Variants in C10orf67 observed in about 807,000 individuals in gnomAD.
C10orf67 encodes chromosome 10 open reading frame 67.
A neutral mutation model predicts 35.6 loss-of-function variants in C10orf67; 60 were observed. That is an observed-to-expected ratio of 1.68 (90% CI 1.37 to 2.09). C10orf67 has a LOEUF of 2.09. Ranked by LOEUF, C10orf67 falls within the 30% of genes most tolerant of loss-of-function variation. C10orf67 has a pLI of 0.00. For synonymous variants in C10orf67, 167 were observed against 115.8 expected (o/e 1.44, Z -2.84); for missense variants, 474 against 330.2 (o/e 1.44, Z -3.38).
At chr10:23,247,344 G>T (rs187115517) in intron 12 of C10orf67, among the ~76,000 whole-genome samples, 21 of 152,076 alleles carry the variant, frequency 1.4e-4, no homozygotes, top group Non-Finnish European at 2.4e-4. Context: ...TCTATGTTTA[G>T]GTATATTTAG....
intron 5 of C10orf67, among the ~76,000 whole-genome samples, chr10:23,297,251 CCTTTCCTTTCCTT>C (rs1843913041): frequency 6.6e-6 from 1 of 151,552 alleles, no homozygotes; most frequent in African/African-American, 2.4e-5. Context: ...CCTTTCCTTT[CCTTTCCTTTCCTT>C]TCCTTTCTGA....
At chr10:23,294,712 C>T (rs1256560036) in intron 5 of C10orf67, among the ~76,000 whole-genome samples, 2 of 152,126 alleles carry the variant, frequency 1.3e-5, no homozygotes, top group East Asian at 3.9e-4. Flanking sequence ...CTAAATAAAA[C>T]TTGTTTATTT....
At chr10:23,342,415 T>G (rs1024688501) in intron 1 of C10orf67, among the ~76,000 whole-genome samples, 1 of 152,150 alleles carries the variant, frequency 6.6e-6, no homozygotes, top group Non-Finnish European at 1.5e-5. Flanking sequence ...GTGGACCACG[T>G]TCAGCACCTG....
chr10:23,259,651 G>T (rs1185994237), intron 10 of C10orf67, among the ~76,000 whole-genome samples: 1 of 152,160 alleles, frequency 6.6e-6, no homozygotes, highest in South Asian at 2.1e-4. Context: ...AGAGAACCTA[G>T]GAGAAAAGGT....
chr10:23,323,207 G>A (rs979059924), intron 2 of C10orf67, among the ~76,000 whole-genome samples: 3 of 152,194 alleles, frequency 2.0e-5, no homozygotes, highest in African/African-American at 4.8e-5. Context: ...TCAGAAAAGA[G>A]AGGCAAGAAT....
chr10:23,318,994 C>CT (rs937957618), intron 4 of C10orf67: 12 of 717,436 alleles, frequency 1.7e-5, no homozygotes, highest in South Asian at 3.0e-5. Context: ...CATGAGAACC[C>CT]TTTTTTTTCT....
chr10:23,254,090 A>G (rs1351898822), intron 10 of C10orf67, among the ~76,000 whole-genome samples: 1 of 152,240 alleles, frequency 6.6e-6, no homozygotes, highest in Non-Finnish European at 1.5e-5. Context: ...CTGGACTGAT[A>G]ATAGATTGAT....
At chr10:23,221,891 A>C (rs1841591224) in intron 15 of C10orf67, among the ~76,000 whole-genome samples, 1 of 152,230 alleles carries the variant, frequency 6.6e-6, no homozygotes, top group Non-Finnish European at 1.5e-5. Context: ...TCCGAAAACT[A>C]TCTTCAGAGG....
Position 23,224,413 on chromosome 10 carries a change from C to A in C10orf67, c.1435-595G>T, listed in dbSNP as rs577879708. 1.4e-4 allele frequency among the ~76,000 whole-genome samples: 22 copies of A among 152,244 alleles called. No homozygotes were observed. In the South Asian group the frequency reaches 4.1e-3, roughly 29 times the overall value. On this transcript the variant is annotated intron_variant, in intron 13 of 15. Transcript: ENST00000636213. ...CATCAAAGACCAAAGGTAGATAAAA[C>A]GACAAGGATGGGGAAAAAACAGAGC...
rs567154748 is a variant in C10orf67 at position 23,251,663 on chromosome 10, T to C, written c.1201-972A>G. On this transcript the variant is annotated intron_variant, in intron 10 of 15. Transcript: ENST00000636213. ...GTGTAGCTTCCAGAGTCATTGCTAC[T>C]TTCTAAGCATAGCCAGCATCAATAT... Among the ~76,000 whole-genome samples the C allele has an allele frequency of 6.6e-5, 10 of 152,320 alleles. No individual in the cohort carries two copies. In the East Asian group the frequency reaches 1.9e-3, roughly 29 times the overall value.
chr10:23,310,215 C>T (rs935211183), intron 4 of C10orf67, among the ~76,000 whole-genome samples: 2 of 151,986 alleles, frequency 1.3e-5, no homozygotes, highest in African/African-American at 4.8e-5. Flanking sequence ...ACAATGACAA[C>T]AAAATAAAAG....
intron 8 of C10orf67, among the ~76,000 whole-genome samples, chr10:23,277,828 G>C (rs958169625): frequency 2.6e-5 from 4 of 152,044 alleles, no homozygotes; most frequent in African/African-American, 7.3e-5. Context: ...TCTGAGACTG[G>C]GTAATTTATA....
chr10:23,225,788 G>A (rs1564460958), intron 13 of C10orf67, among the ~76,000 whole-genome samples: 1 of 152,144 alleles, frequency 6.6e-6, no homozygotes, highest in Non-Finnish European at 1.5e-5. Context: ...ATTACGTAAT[G>A]GTAAAGGGAT....
chr10:23,274,137 T>C (rs1338509648), intron 8 of C10orf67, among the ~76,000 whole-genome samples: 3 of 151,726 alleles, frequency 2.0e-5, no homozygotes, highest in Non-Finnish European at 4.4e-5. Flanking sequence ...GTCACAGAGA[T>C]CACACGCTTC....
At chr10:23,323,101 T>G (rs1845022800) in intron 2 of C10orf67, among the ~76,000 whole-genome samples, 1 of 152,176 alleles carries the variant, frequency 6.6e-6, no homozygotes, top group South Asian at 2.1e-4. Flanking sequence ...GACAAGAGTT[T>G]CCTAGCAGTT....
At chr10:23,207,926 C>T (rs1009098385) in intron 15 of C10orf67, among the ~76,000 whole-genome samples, 1 of 152,114 alleles carries the variant, frequency 6.6e-6, no homozygotes, top group African/African-American at 2.4e-5. Flanking sequence ...GCAATGTTCA[C>T]AGATGCGCTT....
At chr10:23,332,646 T>C (rs2132392476) in intron 2 of C10orf67, among the ~76,000 whole-genome samples, 1 of 149,154 alleles carries the variant, frequency 6.7e-6, no homozygotes, top group East Asian at 2.0e-4. Context: ...ATCACACCTC[T>C]GCCTAGGTGA....
At position 23,245,297 on chromosome 10, in the gene C10orf67, T is replaced by C. The variant is rs190634191; in HGVS notation, c.1346+5158A>G. On this transcript the variant is annotated intron_variant, in intron 12 of 15. Coordinates refer to ENST00000636213, the MANE Select transcript of C10orf67 (RefSeq NM_001371909.1). ...GAGGGAAAGCTTTTTCACATTGGCC[T>C]TTGGCAATGATTTTTTGAATATAAT... 2.2e-4 allele frequency among the ~76,000 whole-genome samples: 34 copies of C among 152,306 alleles called. 1 individual carries two copies. The East Asian group carries it at 6.4e-3, about 29-fold the overall frequency.
chr10:23,215,052 G>A (rs752507106), intron 15 of C10orf67, among the ~76,000 whole-genome samples: 1 of 151,906 alleles, frequency 6.6e-6, no homozygotes. Context: ...GGGCAGAAAA[G>A]GGGCATAATT....
Sources: allele counts gnomAD v4.1 joint callset (sites outside exome capture counted in the v4.1 genomes callset), GRCh38; gene constraint gnomAD v4.1.1; transcripts MANE v1.5; gene names NCBI Gene and HGNC (gene_info 2026-07-23, HGNC 2026-07-21).